Variants in CGNL1 observed in about 807,000 individuals in gnomAD.
CGNL1 encodes cingulin-like protein 1.
In CGNL1, 132 loss-of-function variants were observed where a neutral mutation model predicts 141.2. The ratio of observed to expected loss-of-function variants is 0.93; its 90% CI spans 0.81 to 1.08. The LOEUF is 1.08. Among genes scored for constraint, CGNL1 ranks in the 50% least tolerant of loss-of-function variants. The pLI is 0.00. For missense variants in CGNL1, 1,870 were observed against 1,588.6 expected, an observed-to-expected ratio of 1.18 and a Z score of -3.01; for synonymous variants, 690 against 622.1, an observed-to-expected ratio of 1.11 and a Z score of -1.63.
intron 8 of CGNL1, among the ~76,000 whole-genome samples, chr15:57,464,670 TTTTCC>T (rs200160698): frequency 0.28 from 30,764 of 111,476 alleles, 4,434 homozygotes; most frequent in South Asian, 0.35. Context: ...CTGCGGTTTC[TTTTCC>T]TTTCCTTTCC....
intron 1 of CGNL1, among the ~76,000 whole-genome samples, chr15:57,426,431 C>G (rs1168456906): frequency 6.8e-6 from 1 of 148,052 alleles, no homozygotes; most frequent in African/African-American, 2.5e-5. Flanking sequence ...AGGCATGAGC[C>G]ACCACACCAG....
intron 8 of CGNL1, among the ~76,000 whole-genome samples, chr15:57,488,697 G>T (rs542132652): frequency 9.8e-5 from 15 of 152,302 alleles, no homozygotes; most frequent in Non-Finnish European, 1.8e-4. Context: ...TGAACCTTTC[G>T]AGTGCACAGC....
chr15:57,454,712 C>T (rs2063358417), intron 7 of CGNL1, among the ~76,000 whole-genome samples: 1 of 152,132 alleles, frequency 6.6e-6, no homozygotes, highest in African/African-American at 2.4e-5. Flanking sequence ...TCCTGAGAAG[C>T]CCTCAGCATT....
intron 1 of CGNL1, among the ~76,000 whole-genome samples, chr15:57,417,919 G>A (rs2062867777): frequency 6.6e-6 from 1 of 152,136 alleles, no homozygotes; most frequent in South Asian, 2.1e-4. Flanking sequence ...TCATTGGGTG[G>A]CAGACACTGT....
rs1354575148 is a variant in CGNL1 at position 57,545,712 on chromosome 15, C to T, written c.3609+12C>T. On this transcript the variant is annotated intron_variant, in intron 17 of 18. Coordinates refer to ENST00000281282, the MANE Select transcript of CGNL1 (RefSeq NM_032866.5). ...ATCAGAAGGACCAGGTGGGGAGCCT[C>T]TGCGTGCATTTGCTCTTAGATGAGA... 3.7e-6 allele frequency: 6 copies of T among 1,600,328 alleles called. No individual in the cohort carries two copies. In the Admixed American group the frequency reaches 5.1e-5, roughly 13 times the overall value.
intron 8 of CGNL1, among the ~76,000 whole-genome samples, chr15:57,464,691 T>TTTCCTTTCCC (rs1457192974): frequency 3.5e-5 from 5 of 142,248 alleles, no homozygotes; most frequent in Non-Finnish European, 7.5e-5. Context: ...TTTCCTTTCC[T>TTTCCTTTCCC]TTCCTTTCCT....
chr15:57,463,087 A>T (rs1196819561), intron 8 of CGNL1, among the ~76,000 whole-genome samples: 1 of 152,128 alleles, frequency 6.6e-6, no homozygotes, highest in Non-Finnish European at 1.5e-5. Flanking sequence ...CCATATCTTT[A>T]TCACCCTTAA....
At chr15:57,419,934 C>T (rs1004712745) in intron 1 of CGNL1, among the ~76,000 whole-genome samples, 7 of 152,184 alleles carry the variant, frequency 4.6e-5, no homozygotes, top group Non-Finnish European at 1.0e-4. Context: ...GTTGTCTGCT[C>T]TTCCCCATTT....
intron 14 of CGNL1, among the ~76,000 whole-genome samples, chr15:57,535,766 G>T (rs1157070114): frequency 6.6e-6 from 1 of 152,192 alleles, no homozygotes; most frequent in African/African-American, 2.4e-5. Context: ...TGTTCTAGAA[G>T]ACTCATGCGC....
chr15:57,468,911 G>A (rs1447605697), intron 8 of CGNL1, among the ~76,000 whole-genome samples: 1 of 152,156 alleles, frequency 6.6e-6, no homozygotes, highest in Non-Finnish European at 1.5e-5. Context: ...TTCTCTCTTT[G>A]CCTGCTGCCA....
At chr15:57,514,909 A>G (rs2030643121) in intron 8 of CGNL1, among the ~76,000 whole-genome samples, 1 of 152,172 alleles carries the variant, frequency 6.6e-6, no homozygotes, top group Non-Finnish European at 1.5e-5. Flanking sequence ...GCAGTTGGCT[A>G]TACATGTAGG....
chr15:57,456,515 T>G (rs2063380927), intron 7 of CGNL1, among the ~76,000 whole-genome samples: 1 of 151,090 alleles, frequency 6.6e-6, no homozygotes, highest in Non-Finnish European at 1.5e-5. Context: ...AATAAAACAG[T>G]TTAAAAAAAA....
chr15:57,432,572 G>C (rs574979579), intron 1 of CGNL1, among the ~76,000 whole-genome samples: 2 of 152,214 alleles, frequency 1.3e-5, no homozygotes, highest in Non-Finnish European at 2.9e-5. Flanking sequence ...CGATTGATCA[G>C]CGTTTACTGC....
intron 5 of CGNL1, 100 bp from the exon 6 acceptor site, chr15:57,452,041 A>T: frequency 2.0e-6 from 2 of 998,902 alleles, no homozygotes; most frequent in Non-Finnish European, 2.9e-6. Flanking sequence ...TTAATAATGT[A>T]AGTGCAAAGA....
chr15:57,543,547 C>T (rs1249546093), intron 14 of CGNL1, 149 bp from the exon 15 acceptor site: 2 of 660,808 alleles, frequency 3.0e-6, no homozygotes, highest in East Asian at 2.8e-5. Context: ...AAACAGATCC[C>T]GTACCCCAGA....
chr15:57,438,758 C>G lies in CGNL1; in HGVS notation c.759C>G (p.Ser253Arg). Residue 253 changes from serine to arginine, a missense_variant, in exon 2 of 19, where the codon AGC becomes AGG. Physicochemically the swap from Ser to Arg is moderately radical, Grantham distance 110. Coordinates refer to ENST00000281282, the MANE Select transcript of CGNL1 (RefSeq NM_032866.5). ...ERVGEEALFTSGRPLTAHSPH... is the reference protein window; with the variant it reads ...ERVGEEALFTRGRPLTAHSPH... ...TGGGAGAGGAGGCCCTTTTCACTAG[C>G]GGGAGGCCCCTGACTGCCCACAGCC... is the stretch of plus-strand genomic sequence containing the variant. The G allele has an allele frequency of 1.2e-6, 2 of 1,614,110 alleles. No homozygotes were observed. Among genetic ancestry groups the G allele is most frequent in the Non-Finnish European group, 1.7e-6 (2 of 1,180,000 alleles).
In CGNL1 at chr15:57,461,843, A is replaced by G. The variant is rs1395487274; in HGVS notation, c.2354A>G (p.Tyr785Cys). The G allele has an allele frequency of 9.3e-6, 15 of 1,613,944 alleles. No homozygotes were observed. Among genetic ancestry groups the G allele is most frequent in the Non-Finnish European group, 1.3e-5 (15 of 1,179,998 alleles). The part of the protein sequence containing the change: ...DQEMDKLKEQ[Y>C]DAELQALRES... The stretch of plus-strand genomic sequence containing the variant: ...GAGATGGACAAGCTGAAGGAGCAAT[A>G]TGATGCTGAGTTGCAGGCCCTGAGG... Residue 785 changes from tyrosine to cysteine, a missense_variant, in exon 8 of 19, where the codon TAT (tyrosine) becomes TGT (cysteine). Physicochemically the swap from Tyr to Cys is radical, Grantham distance 194 (BLOSUM62 -2). Coordinates refer to ENST00000281282, the MANE Select transcript of CGNL1 (RefSeq NM_032866.5).
chr15:57,487,089 C>T (rs896975689), intron 8 of CGNL1, among the ~76,000 whole-genome samples: 4 of 152,108 alleles, frequency 2.6e-5, no homozygotes, highest in East Asian at 1.9e-4. Context: ...CCTTTATTAC[C>T]AGTGCAACCA....
At chr15:57,450,664 A>G (rs1595717107) in intron 4 of CGNL1, among the ~76,000 whole-genome samples, 1 of 152,328 alleles carries the variant, frequency 6.6e-6, no homozygotes, top group East Asian at 1.9e-4. Context: ...GGAGTCATGG[A>G]GAACCCAGGG....
Sources: gnomAD v4.1 joint callset for allele counts (sites outside exome capture counted in the v4.1 genomes callset) on GRCh38, gnomAD v4.1.1 for gene constraint, MANE v1.5 for transcripts, NCBI Gene and HGNC (gene_info 2026-07-23, HGNC 2026-07-21) for gene names.